RUNDC3B: variants seen among roughly 807,000 people sequenced by gnomAD.
RUNDC3B encodes RUN domain containing 3B, also known as RUN domain-containing protein 3B.
Under a neutral mutation model 58.4 loss-of-function variants are expected in RUNDC3B, and 33 were observed. The observed-to-expected ratio is 0.56, with a 90% CI of 0.43 to 0.75. RUNDC3B has a LOEUF of 0.75. Among genes scored for constraint, RUNDC3B ranks in the 30% least tolerant of loss-of-function variants. The probability of loss-of-function intolerance (pLI) is 0.00; values close to 1 mark genes in which losing one functional copy is unlikely to be tolerated. For missense variants in RUNDC3B, 501 were observed against 535.7 expected, an observed-to-expected ratio of 0.94 and a Z score of 0.64; for synonymous variants, 193 against 195.2, an observed-to-expected ratio of 0.99 and a Z score of 0.10.
chr7:87,668,172 T>C (rs1201161834), intron 2 of RUNDC3B, among the ~76,000 whole-genome samples: 1 of 151,968 alleles, frequency 6.6e-6, no homozygotes, highest in African/African-American at 2.4e-5. Context: ...GAGCTCATTA[T>C]TGGTCTGCTC....
intron 4 of RUNDC3B, among the ~76,000 whole-genome samples, chr7:87,734,364 C>T (rs781337117): frequency 4.6e-5 from 7 of 152,138 alleles, no homozygotes; most frequent in African/African-American, 7.2e-5. Flanking sequence ...TCCATGCTGC[C>T]ACATGGATGA....
intron 2 of RUNDC3B, among the ~76,000 whole-genome samples, chr7:87,696,848 T>C (rs952773809): frequency 3.3e-5 from 5 of 152,192 alleles, no homozygotes; most frequent in African/African-American, 1.2e-4. Flanking sequence ...TCATTATCTT[T>C]TGGGTAAAAG....
chr7:87,666,364 A>C (rs989255483), intron 2 of RUNDC3B, among the ~76,000 whole-genome samples: 1 of 152,118 alleles, frequency 6.6e-6, no homozygotes, highest in African/African-American at 2.4e-5. Flanking sequence ...AATTTGCTTA[A>C]GTTCCTTATA....
At chr7:87,770,967 C>A (rs909329635) in intron 7 of RUNDC3B, among the ~76,000 whole-genome samples, 1 of 152,052 alleles carries the variant, frequency 6.6e-6, no homozygotes, top group Admixed American at 6.6e-5. Flanking sequence ...TAAAAACAAG[C>A]CATTATTTTA....
At chr7:87,810,630 A>C (rs1426914522) in intron 9 of RUNDC3B, among the ~76,000 whole-genome samples, 2 of 152,086 alleles carry the variant, frequency 1.3e-5, no homozygotes, top group African/African-American at 4.8e-5. Context: ...ATTGTCACCT[A>C]CTCATGGAAA....
chr7:87,675,074 C>A (rs1314437837), intron 2 of RUNDC3B, among the ~76,000 whole-genome samples: 1 of 152,232 alleles, frequency 6.6e-6, no homozygotes, highest in Non-Finnish European at 1.5e-5. Context: ...AGGATCCTGG[C>A]AGTCTGTGGT....
At chr7:87,707,738 C>T (rs1829737037) in intron 3 of RUNDC3B, among the ~76,000 whole-genome samples, 1 of 151,918 alleles carries the variant, frequency 6.6e-6, no homozygotes, top group Non-Finnish European at 1.5e-5. Context: ...ACATTCTTAT[C>T]ATACACCCAG....
chr7:87,660,394 G>A (rs1205596487), intron 2 of RUNDC3B, among the ~76,000 whole-genome samples: 1 of 151,932 alleles, frequency 6.6e-6, no homozygotes, highest in Non-Finnish European at 1.5e-5. Flanking sequence ...TAAATCTCTA[G>A]TTAGTTGTAG....
At chr7:87,634,495 G>T (rs1443360007) in intron 1 of RUNDC3B, among the ~76,000 whole-genome samples, 1 of 29,206 alleles carries the variant, frequency 3.4e-5, no homozygotes, top group Non-Finnish European at 8.3e-5. Flanking sequence ...GGTGGGGGGT[G>T]GGGGGGGGGG....
chr7:87,652,647 G>T (rs905353526), intron 2 of RUNDC3B, among the ~76,000 whole-genome samples: 37 of 112,556 alleles, frequency 3.3e-4, no homozygotes, highest in African/African-American at 1.4e-3. Flanking sequence ...TATATATATA[G>T]TAGGAAGTAT....
intron 4 of RUNDC3B, among the ~76,000 whole-genome samples, chr7:87,714,956 C>A (rs1026585391): frequency 2.6e-4 from 40 of 151,936 alleles, no homozygotes; most frequent in African/African-American, 8.7e-4. Context: ...GGCAGTCCAA[C>A]CTGGCATTGT....
chr7:87,678,405 T>C (rs191849282), intron 2 of RUNDC3B, among the ~76,000 whole-genome samples: 16 of 152,348 alleles, frequency 1.1e-4, no homozygotes, highest in Admixed American at 9.2e-4. Flanking sequence ...AAATGTTAAC[T>C]GTAGACTATT....
At chr7:87,772,181 G>T (rs1329205620) in intron 7 of RUNDC3B, among the ~76,000 whole-genome samples, 1 of 151,894 alleles carries the variant, frequency 6.6e-6, no homozygotes, top group Non-Finnish European at 1.5e-5. Flanking sequence ...TTACCTTTTT[G>T]TTTAATATAA....
chr7:87,715,439 A>G (rs1583984640), intron 4 of RUNDC3B, among the ~76,000 whole-genome samples: 1 of 128,916 alleles, frequency 7.8e-6, no homozygotes, highest in South Asian at 2.2e-4. Flanking sequence ...TAATTATATT[A>G]ATATAATATA....
rs965508633 is a variant in RUNDC3B at position 87,778,868 on chromosome 7, T to TA, written c.956+920dup. Reference sequence around the variant, plus strand: ...ATTTTCACATATTAATATTTAATCTTAAAAAAATAATTTAAATTTGTTTAT... The same window carrying TA: ...ATTTTCACATATTAATATTTAATCTTAAAAAAAATAATTTAAATTTGTTTAT... On this transcript the variant is annotated intron_variant, in intron 8 of 10. Transcript: ENST00000394654. Among the ~76,000 whole-genome samples, 4 of 152,080 alleles carry TA rather than the reference T, an allele frequency of 2.6e-5. No homozygotes were observed. In the East Asian group the frequency reaches 5.8e-4, roughly 22 times the overall value.
chr7:87,818,992 G>A (rs1023627296), intron 10 of RUNDC3B, among the ~76,000 whole-genome samples: 1 of 152,124 alleles, frequency 6.6e-6, no homozygotes, highest in African/African-American at 2.4e-5. Context: ...CCTCTCAAGG[G>A]GGAACGAGCT....
intron 8 of RUNDC3B, among the ~76,000 whole-genome samples, chr7:87,782,452 T>C (rs2130890615): frequency 6.6e-6 from 1 of 152,266 alleles, no homozygotes; most frequent in South Asian, 2.1e-4. Flanking sequence ...GAGTAGGTTT[T>C]TGTGTCTCAG....
chr7:87,813,315 T>C (rs1348363457), intron 9 of RUNDC3B, among the ~76,000 whole-genome samples: 1 of 152,180 alleles, frequency 6.6e-6, no homozygotes. Flanking sequence ...GCTCATTTCA[T>C]GTTACTATTG....
chr7:87,811,293 A>G (rs1182530475), intron 9 of RUNDC3B, among the ~76,000 whole-genome samples: 1 of 151,464 alleles, frequency 6.6e-6, no homozygotes, highest in Non-Finnish European at 1.5e-5. Flanking sequence ...ATTATTGAGA[A>G]TCATGAGCTC....
Sources: allele counts gnomAD v4.1 joint callset (sites outside exome capture counted in the v4.1 genomes callset), GRCh38; gene constraint gnomAD v4.1.1; transcripts MANE v1.5; gene names NCBI Gene and HGNC (gene_info 2026-07-23, HGNC 2026-07-21).